The following TMEM117 variants were observed in gnomAD, a reference collection of about 807,000 sequenced individuals.
The protein encoded by TMEM117 is transmembrane protein 117.
In TMEM117, 27 loss-of-function variants were observed where a neutral mutation model predicts 52.4. That is an observed-to-expected ratio of 0.51 (90% CI 0.38 to 0.71). TMEM117 has a LOEUF of 0.71. TMEM117 is among the 30% of genes least tolerant of loss of function. The pLI is 0.00. For synonymous variants in TMEM117, 215 were observed against 206.3 expected (o/e 1.04, Z -0.36); for missense variants, 556 against 630.5 (o/e 0.88, Z 1.26).
At chr12:44,032,323 G>A (rs184497891) in intron 3 of TMEM117, among the ~76,000 whole-genome samples, 2 of 152,320 alleles carry the variant, frequency 1.3e-5, no homozygotes, top group South Asian at 2.1e-4. Flanking sequence ...TTTAAGAACT[G>A]TGGTACACAT....
chr12:43,850,047 T>C (rs553896059), intron 2 of TMEM117, among the ~76,000 whole-genome samples: 21 of 152,346 alleles, frequency 1.4e-4, no homozygotes, highest in Middle Eastern at 3.4e-3. Flanking sequence ...TGTGCAAACC[T>C]ATCCCCAAAG....
intron 2 of TMEM117, among the ~76,000 whole-genome samples, chr12:43,885,292 G>A (rs1387496989): frequency 1.1e-4 from 17 of 152,144 alleles, no homozygotes; most frequent in Admixed American, 8.5e-4. Context: ...CATGCCCTGT[G>A]CCTGTGTAGG....
intron 3 of TMEM117, among the ~76,000 whole-genome samples, chr12:44,013,938 T>C (rs571733197): frequency 7.9e-5 from 12 of 152,308 alleles, no homozygotes; most frequent in African/African-American, 2.9e-4. Context: ...GAGTGGCAAC[T>C]TCTAAACTCC....
chr12:44,361,407 A>G (rs1951718912), intron 6 of TMEM117, among the ~76,000 whole-genome samples: 3 of 152,150 alleles, frequency 2.0e-5, no homozygotes, highest in East Asian at 1.9e-4. Flanking sequence ...TCAAGACTCT[A>G]TTACTAATAC....
At chr12:44,151,738 T>C (rs1257317846) in intron 4 of TMEM117, among the ~76,000 whole-genome samples, 1 of 149,694 alleles carries the variant, frequency 6.7e-6, no homozygotes, top group African/African-American at 2.5e-5. Flanking sequence ...TTTTGTAGTA[T>C]GTTTAGGAGT....
intron 2 of TMEM117, among the ~76,000 whole-genome samples, chr12:43,915,394 C>T (rs1351150634): frequency 6.6e-6 from 1 of 152,168 alleles, no homozygotes; most frequent in Non-Finnish European, 1.5e-5. Flanking sequence ...AGTCATAGTT[C>T]TTCTTGCCTC....
intron 3 of TMEM117, among the ~76,000 whole-genome samples, chr12:43,948,784 G>C (rs930604030): frequency 2.6e-5 from 4 of 152,124 alleles, no homozygotes; most frequent in African/African-American, 9.7e-5. Flanking sequence ...AGATAATGCA[G>C]CTTGGTATAC....
chr12:43,978,195 T>C (rs984390610), intron 3 of TMEM117, among the ~76,000 whole-genome samples: 9 of 152,168 alleles, frequency 5.9e-5, no homozygotes, highest in African/African-American at 1.9e-4. Flanking sequence ...GCAGGTCTGC[T>C]TGATTATTAC....
the TMEM117 span, chr12:43,800,477 A>G: frequency 2.5e-6 from 4 of 1,613,822 alleles, no homozygotes; most frequent in Non-Finnish European, 3.4e-6. Context: ...GGCCACCTCC[A>G]AATTCCTTCT....
chr12:43,827,036 T>A, the TMEM117 span, among the ~76,000 whole-genome samples: 1 of 151,322 alleles, frequency 6.6e-6, no homozygotes, highest in African/African-American at 2.4e-5. Context: ...TAGAAAAAAA[T>A]ACATTTAATC....
At chr12:43,815,635 A>G in the TMEM117 span, among the ~76,000 whole-genome samples, 1 of 152,208 alleles carries the variant, frequency 6.6e-6, no homozygotes, top group African/African-American at 2.4e-5. Context: ...AAGGTGAAGA[A>G]CCCAAAGCTG....
At chr12:44,020,297 C>T (rs1017105555) in intron 3 of TMEM117, among the ~76,000 whole-genome samples, 5 of 152,170 alleles carry the variant, frequency 3.3e-5, no homozygotes, top group Non-Finnish European at 7.3e-5. Flanking sequence ...CCCTATCTGA[C>T]AAGGGTCAGC....
chr12:44,256,907 T>G (rs1378773002), intron 5 of TMEM117, among the ~76,000 whole-genome samples: 5 of 151,746 alleles, frequency 3.3e-5, no homozygotes, highest in Non-Finnish European at 7.4e-5. Context: ...GGTTTGTAAC[T>G]TGGCCATTAT....
intron 2 of TMEM117, among the ~76,000 whole-genome samples, chr12:43,849,921 TAATC>T (rs1351366564): frequency 6.6e-6 from 1 of 152,198 alleles, no homozygotes; most frequent in Non-Finnish European, 1.5e-5. Flanking sequence ...CATGAACTAT[TAATC>T]ATTTCCTCCT....
At chr12:44,118,695 A>C (rs960303373) in intron 3 of TMEM117, among the ~76,000 whole-genome samples, 3 of 152,182 alleles carry the variant, frequency 2.0e-5, no homozygotes, top group Non-Finnish European at 4.4e-5. Flanking sequence ...GTATTACATG[A>C]TATCTTATTT....
At chr12:44,076,850 C>A (rs548467988) in intron 3 of TMEM117, among the ~76,000 whole-genome samples, 4 of 152,166 alleles carry the variant, frequency 2.6e-5, no homozygotes, top group Admixed American at 2.0e-4. Flanking sequence ...ATGAAAAAAT[C>A]AAAACACCAA....
chr12:44,145,740 A>G (rs1184152167), intron 4 of TMEM117, among the ~76,000 whole-genome samples: 3 of 152,054 alleles, frequency 2.0e-5, no homozygotes, highest in Non-Finnish European at 2.9e-5. Flanking sequence ...GTTTATTTCA[A>G]TCGCCAATGA....
intron 3 of TMEM117, among the ~76,000 whole-genome samples, chr12:44,087,827 C>G (rs1346672381): frequency 1.3e-5 from 2 of 152,130 alleles, no homozygotes; most frequent in Non-Finnish European, 2.9e-5. Context: ...TTCTCTGCCT[C>G]TCTAAACTTG....
intron 3 of TMEM117, among the ~76,000 whole-genome samples, chr12:44,063,462 TG>T: frequency 6.6e-6 from 1 of 152,046 alleles, no homozygotes; most frequent in African/African-American, 2.4e-5. Context: ...ATCCTAGGTT[TG>T]TTTCTTTTTT....
Sources: gnomAD v4.1 joint callset for allele counts (sites outside exome capture counted in the v4.1 genomes callset) on GRCh38, gnomAD v4.1.1 for gene constraint, MANE v1.5 for transcripts, NCBI Gene and HGNC (gene_info 2026-07-23, HGNC 2026-07-21) for gene names.